The following PCDH11X variants were observed in gnomAD, a reference collection of about 807,000 sequenced individuals.
PCDH11X encodes the protein protocadherin 11 X-linked.
PCDH11X carries 18 observed loss-of-function variants against 53.3 expected under a neutral mutation model. That is an observed-to-expected ratio of 0.34 (90% CI 0.23 to 0.50). PCDH11X has a LOEUF of 0.50. Among genes scored for constraint, PCDH11X ranks in the 20% least tolerant of loss-of-function variants. The probability of loss-of-function intolerance (pLI) is 0.98; values close to 1 mark genes in which losing one functional copy is unlikely to be tolerated. For synonymous variants in PCDH11X, 279 were observed against 393.3 expected, an observed-to-expected ratio of 0.71 and a Z score of 3.44; for missense variants, 570 against 1,032.4, an observed-to-expected ratio of 0.55 and a Z score of 6.14.
chrX:92,244,875 G>A (rs12556999), intron 7 of PCDH11X, among the ~76,000 whole-genome samples: 14,728 of 110,680 alleles, frequency 0.13, 1,570 homozygotes, highest in African/African-American at 0.36. Context: ...CATAATTAGC[G>A]TTCCCAAAGA....
intron 6 of PCDH11X, among the ~76,000 whole-genome samples, chrX:92,143,658 G>A (rs1219438619): frequency 1.8e-5 from 2 of 112,573 alleles, no homozygotes; most frequent in South Asian, 3.6e-4. Context: ...TGCTGCAGGG[G>A]CGGGGTACTC....
intron 9 of PCDH11X, among the ~76,000 whole-genome samples, chrX:92,408,758 G>A (rs2145777): frequency 0.25 from 27,147 of 107,919 alleles, 3,937 homozygotes; most frequent in African/African-American, 0.53. Context: ...AATTTTTTGT[G>A]TTTTTAGTAA....
intron 9 of PCDH11X, among the ~76,000 whole-genome samples, chrX:92,447,581 T>G: frequency 8.9e-6 from 1 of 111,909 alleles, no homozygotes; most frequent in Non-Finnish European, 1.9e-5. Context: ...AGGGGATTTG[T>G]GGAAACACCT....
intron 6 of PCDH11X, among the ~76,000 whole-genome samples, chrX:92,175,756 A>ATGTGTGTGTGTGTG (rs751094829): frequency 0.015 from 1,084 of 70,873 alleles, 15 homozygotes; most frequent in African/African-American, 0.043. Flanking sequence ...GTATACATAT[A>ATGTGTGTGTGTGTG]TGTGTGTGTG....
chrX:92,004,655 G>C (rs2062565397), intron 6 of PCDH11X, among the ~76,000 whole-genome samples: 1 of 107,598 alleles, frequency 9.3e-6, no homozygotes. Flanking sequence ...TCTTCTCATA[G>C]TTTTTGTCTT....
chrX:91,939,184 C>T (rs753138666), intron 6 of PCDH11X, among the ~76,000 whole-genome samples: 1 of 110,791 alleles, frequency 9.0e-6, no homozygotes, highest in African/African-American at 3.3e-5. Context: ...CCAGAAATGC[C>T]AGCCAAAATG....
At chrX:91,917,700 C>T (rs1259525153) in intron 6 of PCDH11X, among the ~76,000 whole-genome samples, 1 of 102,402 alleles carries the variant, frequency 9.8e-6, no homozygotes, top group Non-Finnish European at 2.0e-5. Flanking sequence ...AAACACATCC[C>T]ATGCTCGTGG....
intron 6 of PCDH11X, among the ~76,000 whole-genome samples, chrX:92,126,856 A>T (rs1415230570): frequency 1.4e-5 from 1 of 70,023 alleles, no homozygotes; most frequent in Non-Finnish European, 2.9e-5. Context: ...AAATATGTTA[A>T]AAAAAAAAAA....
intron 9 of PCDH11X, among the ~76,000 whole-genome samples, chrX:92,452,463 G>GTGTATATA (rs1415846958): frequency 8.7e-4 from 39 of 44,693 alleles, no homozygotes; most frequent in East Asian, 3.9e-3. Context: ...GTGTGTGTGT[G>GTGTATATA]TATATATATA....
At position 92,363,541 on chromosome X, in the gene PCDH11X, G is replaced by GT. The variant is rs35993985; in HGVS notation, c.3145-24182dup. ...TGATTTTACTTATTAGTTCTAACAG[G>GT]TTTTTTTTTTTTGAATAATCTTTAG... On this transcript the variant is annotated intron_variant, in intron 8 of 10. Transcript: ENST00000682573. Among the ~76,000 whole-genome samples, 117 of 102,512 alleles carry GT rather than the reference G, an allele frequency of 1.1e-3. No individual in the cohort carries two copies. In the East Asian group the frequency reaches 0.019, roughly 17 times the overall value. The allele number at this position is 102,512 out of a possible 115,157, so 89.0% of individuals were successfully genotyped here.
intron 8 of PCDH11X, among the ~76,000 whole-genome samples, chrX:92,297,954 A>T (rs1186130598): frequency 9.2e-6 from 1 of 108,808 alleles, no homozygotes; most frequent in African/African-American, 3.4e-5. Context: ...CTTGGATGTC[A>T]TTGGTGTATA....
Position 92,359,084 on chromosome X carries a change from A to G in PCDH11X, c.3145-28651A>G, listed in dbSNP as rs183060182. Among the ~76,000 whole-genome samples, 313 of 108,355 alleles carry G rather than the reference A, an allele frequency of 2.9e-3. 6 individuals carry two copies. In the East Asian group the frequency reaches 0.055, roughly 19 times the overall value. The allele number at this position is 108,355 out of a possible 115,157, so 94.1% of individuals were successfully genotyped here. On this transcript the variant is annotated intron_variant, in intron 8 of 10. Transcript: ENST00000682573. Reference sequence around the variant, plus strand: ...GGGAGGCGTGGCTATTTTTTCATCTAATTTCATTTATGTTTTTTTTTGTGC... The same window carrying G: ...GGGAGGCGTGGCTATTTTTTCATCTGATTTCATTTATGTTTTTTTTTGTGC...
At chrX:92,167,556 G>A (rs987759523) in intron 6 of PCDH11X, among the ~76,000 whole-genome samples, 7 of 111,626 alleles carry the variant, frequency 6.3e-5, no homozygotes, top group Non-Finnish European at 9.4e-5. Context: ...GTAATTTTCC[G>A]TGTTGTTTTA....
intron 6 of PCDH11X, among the ~76,000 whole-genome samples, chrX:92,080,801 T>C (rs1411714589): frequency 9.0e-6 from 1 of 111,298 alleles, no homozygotes. Context: ...TAATAAATTG[T>C]GAAAATATGA....
At chrX:91,995,778 T>C (rs1022542571) in intron 6 of PCDH11X, among the ~76,000 whole-genome samples, 2 of 111,309 alleles carry the variant, frequency 1.8e-5, no homozygotes, top group African/African-American at 6.5e-5. Flanking sequence ...TTGGATATCA[T>C]AGACATGGTA....
intron 8 of PCDH11X, among the ~76,000 whole-genome samples, chrX:92,348,793 C>A (rs1267940346): frequency 1.9e-5 from 2 of 107,948 alleles, no homozygotes; most frequent in Non-Finnish European, 3.8e-5. Flanking sequence ...ACCTCGGCCT[C>A]CCAAAGTGCT....
intron 10 of PCDH11X, among the ~76,000 whole-genome samples, chrX:92,542,632 TATATA>T (rs1219050910): frequency 2.7e-5 from 3 of 111,749 alleles, no homozygotes; most frequent in African/African-American, 9.7e-5. Flanking sequence ...AGTCAACTAA[TATATA>T]AGATATATGT....
intron 6 of PCDH11X, among the ~76,000 whole-genome samples, chrX:92,183,563 G>C (rs2066036770): frequency 8.9e-6 from 1 of 112,222 alleles, no homozygotes; most frequent in African/African-American, 3.2e-5. Context: ...AAGAATTCAA[G>C]TCAGATCATG....
chrX:92,524,705 A>G lies in PCDH11X; in HGVS notation c.3367+56383A>G, dbSNP rs148983463. Among the ~76,000 whole-genome samples, 299 of 110,730 alleles carry G rather than the reference A, an allele frequency of 2.7e-3. 2 individuals carry two copies. In the East Asian group the frequency reaches 0.051, roughly 19 times the overall value. ...GTATTCTGTTCTTTGTCCCTTCAAT[A>G]GACTCTTGTTTCAATCTCTTGCCAT... On this transcript the variant is annotated intron_variant, in intron 10 of 10. Coordinates refer to ENST00000682573, the MANE Select transcript of PCDH11X (RefSeq NM_032968.5).
Sources: allele counts gnomAD v4.1 joint callset (sites outside exome capture counted in the v4.1 genomes callset), GRCh38; gene constraint gnomAD v4.1.1; transcripts MANE v1.5; gene names NCBI Gene and HGNC (gene_info 2026-07-23, HGNC 2026-07-21).